Variants in FGF14 observed in about 807,000 individuals in gnomAD.
FGF14 encodes the protein fibroblast growth factor homologous factor 4.
FGF14 carries 5 observed loss-of-function variants against 25.5 expected under a neutral mutation model. The ratio of observed to expected loss-of-function variants is 0.20; its 90% CI spans 0.10 to 0.41. The LOEUF is 0.41. FGF14 is among the 10% of genes least tolerant of loss of function. FGF14 has a pLI of 1.00. For synonymous variants in FGF14, 138 were observed against 118.3 expected (o/e 1.17, Z -1.08); for missense variants, 222 against 320.1 (o/e 0.69, Z 2.34).
intron 1 of FGF14, among the ~76,000 whole-genome samples, chr13:101,911,238 T>G (rs2139076701): frequency 6.6e-6 from 1 of 152,202 alleles, no homozygotes; most frequent in African/African-American, 2.4e-5. Context: ...TGGGGCTAAA[T>G]GTAAAAGTAT....
At chr13:102,097,874 A>C (rs2044475602) in intron 1 of FGF14, among the ~76,000 whole-genome samples, 1 of 152,188 alleles carries the variant, frequency 6.6e-6, no homozygotes, top group South Asian at 2.1e-4. Flanking sequence ...TATCTGTGAG[A>C]GCACATGGGT....
chr13:101,863,991 C>T (rs2044563714), intron 3 of FGF14, among the ~76,000 whole-genome samples: 1 of 152,030 alleles, frequency 6.6e-6, no homozygotes, highest in Non-Finnish European at 1.5e-5. Flanking sequence ...AGAAGAGGCT[C>T]ATTTGAAAAT....
chr13:102,241,158 G>C (rs1403858506), intron 1 of FGF14, among the ~76,000 whole-genome samples: 2 of 152,046 alleles, frequency 1.3e-5, no homozygotes, highest in Non-Finnish European at 2.9e-5. Context: ...TGTAGAGAAA[G>C]GGGCACTCAT....
At chr13:102,198,213 A>C (rs2049454212) in intron 1 of FGF14, among the ~76,000 whole-genome samples, 1 of 152,170 alleles carries the variant, frequency 6.6e-6, no homozygotes. Context: ...ATCGGAAGCC[A>C]CAGCACAGTG....
intron 3 of FGF14, among the ~76,000 whole-genome samples, chr13:101,820,954 CT>C (rs138807843): frequency 1.4e-3 from 204 of 141,106 alleles, no homozygotes; most frequent in Non-Finnish European, 1.5e-3. Context: ...TTAGATTTTG[CT>C]TTTTTTTTTT....
chr13:101,738,344 A>T (rs1041435204), intron 3 of FGF14, among the ~76,000 whole-genome samples: 1 of 152,194 alleles, frequency 6.6e-6, no homozygotes, highest in Admixed American at 6.5e-5. Flanking sequence ...TCTTACTGGG[A>T]TATGAGGAAA....
chr13:102,187,158 G>A (rs900521470), intron 1 of FGF14, among the ~76,000 whole-genome samples: 7 of 152,130 alleles, frequency 4.6e-5, no homozygotes, highest in South Asian at 2.1e-4. Flanking sequence ...CACTGCCTCC[G>A]TCTAATCAGA....
At chr13:101,934,805 A>G (rs951744106) in intron 1 of FGF14, among the ~76,000 whole-genome samples, 1 of 152,210 alleles carries the variant, frequency 6.6e-6, no homozygotes, top group Non-Finnish European at 1.5e-5. Flanking sequence ...GGAATGTTCT[A>G]CTGCTGCAGA....
chr13:102,117,619 G>C (rs749069447), intron 1 of FGF14, among the ~76,000 whole-genome samples: 2 of 152,146 alleles, frequency 1.3e-5, no homozygotes, highest in African/African-American at 4.8e-5. Context: ...GGTTCATCCC[G>C]AGGGTACTGG....
At chr13:101,826,686 A>G (rs2042407232) in intron 3 of FGF14, among the ~76,000 whole-genome samples, 2 of 152,098 alleles carry the variant, frequency 1.3e-5, no homozygotes, top group Admixed American at 6.6e-5. Context: ...ATTTGATGCC[A>G]GATAAATGAG....
At chr13:101,812,639 ATATATATATATATATTTTTTTTTTTTTTT>A (rs2041612540) in intron 3 of FGF14, among the ~76,000 whole-genome samples, 6 of 11,366 alleles carry the variant, frequency 5.3e-4, no homozygotes, top group South Asian at 3.2e-3. Flanking sequence ...ATATATATAT[ATATATATATATATATTTTTTTTTTTTTTT>A]TTTTTTTTTT....
chr13:102,298,269 C>T (rs528986526), intron 1 of FGF14, among the ~76,000 whole-genome samples: 1 of 152,188 alleles, frequency 6.6e-6, no homozygotes, highest in African/African-American at 2.4e-5. Context: ...AATCATAGAT[C>T]GTGGGTGTGA....
chr13:101,934,783 G>T (rs1442171993), intron 1 of FGF14, among the ~76,000 whole-genome samples: 1 of 152,214 alleles, frequency 6.6e-6, no homozygotes. Context: ...GGTTGGTGGA[G>T]ATTGGGAGAA....
intron 1 of FGF14, among the ~76,000 whole-genome samples, chr13:102,295,457 T>TACTGTGTGGTTTGTTATACCTTTGC (rs2054655939): frequency 6.6e-6 from 1 of 152,004 alleles, no homozygotes; most frequent in East Asian, 1.9e-4. Context: ...ACTTGTACGG[T>TACTGTGTGGTTTGTTATACCTTTGC]ACTGTGTGGT....
At chr13:102,127,959 T>C (rs973348939) in intron 1 of FGF14, among the ~76,000 whole-genome samples, 1 of 152,128 alleles carries the variant, frequency 6.6e-6, no homozygotes, top group African/African-American at 2.4e-5. Flanking sequence ...CACTGATCCC[T>C]CCATCCCCAT....
chr13:102,030,364 G>A (rs1595051570), intron 1 of FGF14, among the ~76,000 whole-genome samples: 1 of 151,954 alleles, frequency 6.6e-6, no homozygotes, highest in Non-Finnish European at 1.5e-5. Flanking sequence ...GGGACCCCAC[G>A]GGGTCAGTTT....
chr13:101,916,407 GA>G, intron 1 of FGF14, 45 bp downstream of exon 1: 7 of 1,606,834 alleles, frequency 4.4e-6, no homozygotes, highest in Non-Finnish European at 6.0e-6. Flanking sequence ...TTTAGGCGGG[GA>G]GGGGGCGACC....
intron 1 of FGF14, among the ~76,000 whole-genome samples, chr13:102,057,443 C>A (rs1381804500): frequency 2.0e-5 from 3 of 152,096 alleles, no homozygotes; most frequent in Non-Finnish European, 4.4e-5. Flanking sequence ...TCAGGCCCCA[C>A]AATTGGATGG....
intron 1 of FGF14, among the ~76,000 whole-genome samples, chr13:102,164,384 G>C (rs2047909289): frequency 6.6e-6 from 1 of 152,114 alleles, no homozygotes; most frequent in Non-Finnish European, 1.5e-5. Context: ...CTGATGACCA[G>C]CTTTTTTCTC....
Sources: allele counts gnomAD v4.1 joint callset (sites outside exome capture counted in the v4.1 genomes callset), GRCh38; gene constraint gnomAD v4.1.1; transcripts MANE v1.5; gene names NCBI Gene and HGNC (gene_info 2026-07-23, HGNC 2026-07-21).